Variants in CALD1 observed in about 807,000 individuals in gnomAD.
CALD1 encodes the protein caldesmon.
In CALD1, 33 loss-of-function variants were observed where a neutral mutation model predicts 99.9. That is an observed-to-expected ratio of 0.33 (90% CI 0.25 to 0.44). The LOEUF (loss-of-function observed/expected upper bound fraction) is 0.44, where lower values mean the gene tolerates loss of function less well. Ranked by LOEUF, CALD1 falls within the 20% of genes least tolerant of loss-of-function variation. The pLI, the probability that CALD1 is intolerant of heterozygous loss-of-function variation, is 1.00. For synonymous variants in CALD1, 310 were observed against 325.0 expected (o/e 0.95, Z 0.50); for missense variants, 861 against 962.1 (o/e 0.89, Z 1.39).
At chr7:134,768,814 A>C (rs545845429) in intron 1 of CALD1, among the ~76,000 whole-genome samples, 12 of 152,100 alleles carry the variant, frequency 7.9e-5, no homozygotes, top group Non-Finnish European at 1.6e-4. Flanking sequence ...ATATATTTTA[A>C]ATTTCTTAAT....
intron 1 of CALD1, 112 bp from the exon 2 acceptor site, chr7:134,843,772 A>G (rs980480363): frequency 6.6e-6 from 1 of 152,246 alleles, no homozygotes; most frequent in Admixed American, 6.5e-5. Flanking sequence ...TTCTCCCTTT[A>G]GATTCTAACT....
At chr7:134,734,987 C>T in the CALD1 span, 1 of 238,172 alleles carries the variant, frequency 4.2e-6, no homozygotes, top group Non-Finnish European at 8.4e-6. Context: ...AACACCAGGT[C>T]ATTCATATTG....
At chr7:134,746,342 C>A (rs1408013509) in intron 1 of CALD1, among the ~76,000 whole-genome samples, 2 of 152,172 alleles carry the variant, frequency 1.3e-5, no homozygotes, top group African/African-American at 4.8e-5. Flanking sequence ...GCACCAGACA[C>A]CAAATCTGCC....
the CALD1 span, among the ~76,000 whole-genome samples, chr7:134,716,246 G>A: frequency 6.6e-6 from 1 of 152,206 alleles, no homozygotes; most frequent in East Asian, 1.9e-4. Flanking sequence ...TACCATCAGG[G>A]GTAGTTTTGT....
chr7:134,965,820 CAG>C (rs928146064), intron 14 of CALD1, among the ~76,000 whole-genome samples: 2 of 127,502 alleles, frequency 1.6e-5, no homozygotes, highest in Non-Finnish European at 3.2e-5. Flanking sequence ...GCCTAAGACT[CAG>C]GGTTGCTATG....
chr7:134,920,888 G>C (rs897524945), intron 3 of CALD1, among the ~76,000 whole-genome samples: 17 of 152,308 alleles, frequency 1.1e-4, no homozygotes, highest in African/African-American at 4.1e-4. Flanking sequence ...TCTGAATGGA[G>C]TCCTCTTTAA....
intron 2 of CALD1, among the ~76,000 whole-genome samples, chr7:134,852,262 A>G (rs1800114158): frequency 6.6e-6 from 1 of 150,804 alleles, no homozygotes; most frequent in Non-Finnish European, 1.5e-5. Flanking sequence ...ACTTCAGGTT[A>G]TGGGCAGCAA....
At chr7:134,935,560 C>G in intron 5 of CALD1, 128 bp from the exon 6 acceptor site, 1 of 1,438,772 alleles carries the variant, frequency 7.0e-7, no homozygotes, top group Non-Finnish European at 9.3e-7. Flanking sequence ...GTGCTGTGAG[C>G]GCTGAGACGG....
chr7:134,936,405 A>G (rs747045963), intron 6 of CALD1, among the ~76,000 whole-genome samples: 3 of 152,232 alleles, frequency 2.0e-5, no homozygotes, highest in South Asian at 2.1e-4. Flanking sequence ...TCAGAACACC[A>G]CATCAGAACA....
rs985732271 is a variant in CALD1 at position 134,935,542 on chromosome 7, G to A, written c.1309-146G>A. ...AGAAAATATCCCACCTTGCTGTTTAGAACCACTGTGCTGTGAGCGCTGAGA... is the reference window on the plus strand; with the variant it reads ...AGAAAATATCCCACCTTGCTGTTTAAAACCACTGTGCTGTGAGCGCTGAGA... On this transcript the variant is annotated intron_variant, in intron 5 of 14. Transcript: ENST00000361675. 6 of 1,306,806 alleles carry A rather than the reference G, an allele frequency of 4.6e-6. No homozygotes were observed. The Admixed American group carries it at 1.6e-4, about 34-fold the overall frequency. 81.0% of individuals were successfully genotyped at this position (1,306,806 alleles called of 1,614,324 possible).
At chr7:134,739,722 C>A (rs575251095), upstream of CALD1, among the ~76,000 whole-genome samples, 3 of 152,132 alleles carry the variant, frequency 2.0e-5, no homozygotes, top group African/African-American at 7.2e-5. Flanking sequence ...TGGAAGGCAG[C>A]CTGTCAATCA....
upstream of CALD1, chr7:134,744,229 G>A (rs974950301): frequency 3.9e-5 from 6 of 152,108 alleles, no homozygotes; most frequent in Non-Finnish European, 7.4e-5. Flanking sequence ...CGCTTTTCTA[G>A]GGGAGGTAAA....
chr7:134,751,055 T>C (rs1796681947), intron 1 of CALD1, among the ~76,000 whole-genome samples: 1 of 152,206 alleles, frequency 6.6e-6, no homozygotes, highest in South Asian at 2.1e-4. Flanking sequence ...CTTGGTTCAC[T>C]TACAATGCAC....
intron 1 of CALD1, among the ~76,000 whole-genome samples, chr7:134,812,940 G>C (rs1026173299): frequency 6.6e-6 from 1 of 152,164 alleles, no homozygotes; most frequent in Admixed American, 6.6e-5. Context: ...ACATTTAAAG[G>C]TCAGAGTAAA....
At chr7:134,767,074 A>G (rs1340183227) in intron 1 of CALD1, among the ~76,000 whole-genome samples, 1 of 152,222 alleles carries the variant, frequency 6.6e-6, no homozygotes, top group Admixed American at 6.5e-5. Context: ...AAGAGCAGGA[A>G]GCAGCGTGAG....
chr7:134,769,638 A>AT (rs927862303), intron 1 of CALD1, among the ~76,000 whole-genome samples: 12 of 149,620 alleles, frequency 8.0e-5, no homozygotes, highest in South Asian at 2.1e-4. Flanking sequence ...GATAGTCTAG[A>AT]TTTTTTTTTT....
the CALD1 span, among the ~76,000 whole-genome samples, chr7:134,719,541 G>A: frequency 6.6e-6 from 1 of 152,178 alleles, no homozygotes. Flanking sequence ...AGTCATCATT[G>A]TCTCCTAGAA....
chr7:134,960,108 T>C lies in CALD1; in HGVS notation c.2196T>C (p.Asn732=). The C allele has an allele frequency of 6.2e-7, 1 of 1,614,098 alleles. No homozygotes were observed. Among genetic ancestry groups the C allele is most frequent in the Middle Eastern group, 1.6e-4 (1 of 6,062 alleles). ...CCCCCACTGCAGCAGGCACACCAAA[T>C]AAGGTGAGCATCTGATTTTTGTCTC... ...FSSPTAAGTP[N]KETAGLKVGV... The change falls in exon 12 of 15, where the codon AAT becomes AAC. Residue 732 remains asparagine (N), a synonymous_variant. Transcript: ENST00000361675.
At chr7:134,826,052 T>A (rs4728337) in intron 1 of CALD1, among the ~76,000 whole-genome samples, 64,182 of 151,776 alleles carry the variant, frequency 0.42, 14,928 homozygotes, top group African/African-American at 0.63. Flanking sequence ...ACTGTTTATA[T>A]AAAAAAAACT....
Sources: gnomAD v4.1 joint callset for allele counts (sites outside exome capture counted in the v4.1 genomes callset) on GRCh38, gnomAD v4.1.1 for gene constraint, MANE v1.5 for transcripts, NCBI Gene and HGNC (gene_info 2026-07-23, HGNC 2026-07-21) for gene names.